The following EIF4E variants were observed in gnomAD, a reference collection of about 807,000 sequenced individuals.
EIF4E encodes the protein eIF-4F 25 kDa subunit.
For synonymous variants in EIF4E, 71 were observed against 88.5 expected (o/e 0.80, Z 1.11); for missense variants, 113 against 265.6 (o/e 0.43, Z 3.99).
intron 6 of EIF4E, among the ~76,000 whole-genome samples, chr4:98,883,305 T>C (rs1221121255): frequency 6.6e-6 from 1 of 151,196 alleles, no homozygotes; most frequent in Non-Finnish European, 1.5e-5. Flanking sequence ...GAAAAATTAA[T>C]AATATTTGAA....
intron 2 of EIF4E, among the ~76,000 whole-genome samples, chr4:98,900,396 A>T (rs1297185240): frequency 6.6e-6 from 1 of 152,130 alleles, no homozygotes; most frequent in East Asian, 1.9e-4. Flanking sequence ...CTATGAGAAA[A>T]CTGCATACAG....
chr4:98,923,990 C>G (rs954016973), intron 1 of EIF4E, among the ~76,000 whole-genome samples: 2 of 152,146 alleles, frequency 1.3e-5, no homozygotes, highest in South Asian at 4.1e-4. Flanking sequence ...GAGACTATAA[C>G]CCATGCTCAT....
chr4:98,892,122 G>A (rs1372831929), intron 2 of EIF4E, among the ~76,000 whole-genome samples: 6 of 151,874 alleles, frequency 4.0e-5, no homozygotes, highest in Non-Finnish European at 8.8e-5. Context: ...TGAGGTGGGC[G>A]GATCACCTGA....
At chr4:98,892,725 T>C (rs1224803359) in intron 2 of EIF4E, among the ~76,000 whole-genome samples, 1 of 151,206 alleles carries the variant, frequency 6.6e-6, no homozygotes, top group African/African-American at 2.4e-5. Context: ...GGTTGGCTGA[T>C]ATTTCTCAGA....
intron 1 of EIF4E, among the ~76,000 whole-genome samples, chr4:98,917,668 G>C (rs192320481): frequency 2.5e-4 from 38 of 152,294 alleles, no homozygotes; most frequent in Non-Finnish European, 1.3e-4. Context: ...TCAAAAGTCA[G>C]AAAAGAAGAT....
chr4:98,884,863 A>G, intron 6 of EIF4E, 59 bp downstream of exon 6: 1 of 1,597,362 alleles, frequency 6.3e-7, no homozygotes, highest in Non-Finnish European at 8.6e-7. Flanking sequence ...CAAATAAAAT[A>G]ACTTCTGGTT....
At chr4:98,897,551 G>C (rs1440857117) in intron 2 of EIF4E, among the ~76,000 whole-genome samples, 1 of 152,158 alleles carries the variant, frequency 6.6e-6, no homozygotes, top group South Asian at 2.1e-4. Context: ...AGGCAACAAA[G>C]TGAAACTCCG....
intron 1 of EIF4E, among the ~76,000 whole-genome samples, chr4:98,913,070 T>C (rs534900205): frequency 6.6e-6 from 1 of 152,118 alleles, no homozygotes; most frequent in South Asian, 2.1e-4. Context: ...TAGCCAGGTG[T>C]AGTGGCACGC....
chr4:98,918,420 T>G (rs1579183238), intron 1 of EIF4E, among the ~76,000 whole-genome samples: 2 of 151,784 alleles, frequency 1.3e-5, no homozygotes, highest in East Asian at 3.9e-4. Context: ...ACATACCTAT[T>G]TTATACTTTG....
intron 1 of EIF4E, among the ~76,000 whole-genome samples, chr4:98,908,171 C>T (rs1343616230): frequency 1.3e-5 from 2 of 152,060 alleles, no homozygotes; most frequent in Non-Finnish European, 2.9e-5. Flanking sequence ...CCAGACCTTC[C>T]CCACCTTCAC....
chr4:98,891,135 T>A, intron 3 of EIF4E, 102 bp downstream of exon 3: 1 of 1,238,518 alleles, frequency 8.1e-7, no homozygotes, highest in Non-Finnish European at 1.2e-6. Flanking sequence ...TGAACATTCA[T>A]TAACTGTTTA....
chr4:98,893,674 A>T (rs1455061655), intron 2 of EIF4E, among the ~76,000 whole-genome samples: 1 of 152,230 alleles, frequency 6.6e-6, no homozygotes, highest in African/African-American at 2.4e-5. Context: ...TGCTCTCTGC[A>T]CATCTGCAGT....
intron 1 of EIF4E, among the ~76,000 whole-genome samples, chr4:98,913,602 G>T (rs950403140): frequency 3.9e-5 from 6 of 152,140 alleles, no homozygotes; most frequent in African/African-American, 1.4e-4. Flanking sequence ...CACCACACCT[G>T]CCTTTTTATG....
In EIF4E at chr4:98,880,282, A is replaced by G. The variant is rs17008789; in HGVS notation, c.*746T>C. 24,103 of 131,260 alleles carry G rather than the reference A, an allele frequency of 0.18. 2,988 individuals carry two copies. The highest frequency in any genetic ancestry group is 0.27 in the Non-Finnish European group (16,939 of 61,924). The allele number at this position is 131,260 out of a possible 1,614,324, so 8.1% of individuals were successfully genotyped here. ...TTTATAATCCACAATTATGTTTAGGAAATCACACAAACATAGATCACTGAT... is the reference window on the plus strand; with the variant it reads ...TTTATAATCCACAATTATGTTTAGGGAATCACACAAACATAGATCACTGAT... On this transcript the variant is annotated 3_prime_UTR_variant, in exon 7 of 7. Transcript: ENST00000450253.
At chr4:98,905,305 A>G (rs1724824128) in intron 1 of EIF4E, among the ~76,000 whole-genome samples, 1 of 152,184 alleles carries the variant, frequency 6.6e-6, no homozygotes, top group South Asian at 2.1e-4. Flanking sequence ...CAAAAAAGTA[A>G]AGGCTAATTT....
At position 98,902,030 on chromosome 4, in the gene EIF4E, T is replaced by C. The variant is rs117715929; in HGVS notation, c.19-48A>G. ...ATTATTTTAAATGTCTTAACACATC[T>C]ATGACAGCAATATTCTAACTAAACC... On this transcript the variant is annotated intron_variant, in intron 1 of 6. Transcript: ENST00000450253. 3,736 of 1,525,414 alleles carry C rather than the reference T, an allele frequency of 2.4e-3. 51 individuals carry two copies. In the Admixed American group the frequency reaches 0.027, roughly 11 times the overall value. The allele number at this position is 1,525,414 out of a possible 1,614,324, so 94.5% of individuals were successfully genotyped here. A position where few individuals can be genotyped will look rare whatever the true frequency, so the allele number is the denominator to read the frequency against.
chr4:98,892,354 A>C (rs1286082324), intron 2 of EIF4E, among the ~76,000 whole-genome samples: 11 of 148,004 alleles, frequency 7.4e-5, no homozygotes, highest in Non-Finnish European at 1.6e-4. Context: ...AAAAAAAAAC[A>C]AAAAAAACAC....
intron 1 of EIF4E, among the ~76,000 whole-genome samples, chr4:98,902,244 G>T (rs1198292485): frequency 6.6e-6 from 1 of 152,124 alleles, no homozygotes; most frequent in East Asian, 1.9e-4. Context: ...GCTAATTTTT[G>T]TATTTTTAGT....
chr4:98,892,294 C>G (rs1216270107), intron 2 of EIF4E, among the ~76,000 whole-genome samples: 3 of 147,626 alleles, frequency 2.0e-5, no homozygotes, highest in Non-Finnish European at 4.5e-5. Context: ...GCACTCCAGC[C>G]TGGGCAACAA....
Sources: allele counts gnomAD v4.1 joint callset (sites outside exome capture counted in the v4.1 genomes callset), GRCh38; gene constraint gnomAD v4.1.1; transcripts MANE v1.5; gene names NCBI Gene and HGNC (gene_info 2026-07-23, HGNC 2026-07-21).